The following BCAS3 variants were observed in gnomAD, a reference collection of about 807,000 sequenced individuals.
BCAS3 encodes BCAS3 microtubule associated cell migration factor.
Under a neutral mutation model 116.1 loss-of-function variants are expected in BCAS3, and 53 were observed. That is an observed-to-expected ratio of 0.46 (90% CI 0.37 to 0.57). The LOEUF is 0.57. BCAS3 is among the 20% of genes least tolerant of loss of function. The pLI, the probability that BCAS3 is intolerant of heterozygous loss-of-function variation, is 0.00. For synonymous variants in BCAS3, 391 were observed against 408.2 expected, an observed-to-expected ratio of 0.96 and a Z score of 0.51; for missense variants, 917 against 1,165.4, an observed-to-expected ratio of 0.79 and a Z score of 3.10.
chr17:61,016,128 G>A (rs1036300341), intron 16 of BCAS3, among the ~76,000 whole-genome samples: 1 of 152,154 alleles, frequency 6.6e-6, no homozygotes, highest in Admixed American at 6.5e-5. Flanking sequence ...GTGACAAGCT[G>A]TGAAAACTAG....
intron 4 of BCAS3, among the ~76,000 whole-genome samples, chr17:60,701,805 C>CAAAA (rs71370178): frequency 0.069 from 5,260 of 76,734 alleles, 276 homozygotes; most frequent in African/African-American, 0.23. Context: ...ACTAAAAATA[C>CAAAA]AAAAAAAAAA....
chr17:61,291,419 A>C (rs1436744221), intron 22 of BCAS3, among the ~76,000 whole-genome samples: 1 of 152,168 alleles, frequency 6.6e-6, no homozygotes, highest in Non-Finnish European at 1.5e-5. Flanking sequence ...TTAGAGAAGG[A>C]TTGTGAGATT....
At chr17:60,863,356 A>G (rs2054313507) in intron 7 of BCAS3, among the ~76,000 whole-genome samples, 1 of 152,116 alleles carries the variant, frequency 6.6e-6, no homozygotes, top group South Asian at 2.1e-4. Context: ...TATCTCAGAG[A>G]TATTATATAG....
At chr17:60,996,982 C>A (rs533150630) in intron 15 of BCAS3, among the ~76,000 whole-genome samples, 2 of 151,948 alleles carry the variant, frequency 1.3e-5, no homozygotes, top group African/African-American at 4.8e-5. Context: ...CACCAAGGAC[C>A]GGTTTTGTGG....
rs1294742398 is a variant in BCAS3 at position 60,993,952 on chromosome 17, T to C, written c.1486+3717T>C. On this transcript the variant is annotated intron_variant, in intron 15 of 23. Transcript: ENST00000407086. The surrounding 1 kb of genome is among the most constrained non-coding windows in gnomAD (Gnocchi z 4.2). ...CTTTATAAATATCTCTTCCATTTCC[T>C]ATCTTGTTGCCTGAACATCCACTTA... Among the ~76,000 whole-genome samples the C allele has an allele frequency of 6.6e-6, 1 of 152,188 alleles. No individual in the cohort carries two copies. Among genetic ancestry groups the C allele is most frequent in the African/African-American group, 2.4e-5 (1 of 41,454 alleles).
intron 7 of BCAS3, among the ~76,000 whole-genome samples, chr17:60,862,707 A>G (rs947559246): frequency 2.0e-5 from 3 of 152,134 alleles, no homozygotes; most frequent in Non-Finnish European, 2.9e-5. Context: ...ACTGGAGTGT[A>G]GTGGTATGAT....
At position 61,224,941 on chromosome 17, in the gene BCAS3, G is replaced by C. The variant is rs1490121058; in HGVS notation, c.2425+140377G>C. Among the ~76,000 whole-genome samples, 2 of 152,044 alleles carry C rather than the reference G, an allele frequency of 1.3e-5. No individual in the cohort carries two copies. The highest frequency in any genetic ancestry group is 2.9e-5 in the Non-Finnish European group (2 of 68,008). On this transcript the variant is annotated intron_variant, in intron 22 of 23. Coordinates refer to ENST00000407086, the MANE Select transcript of BCAS3 (RefSeq NM_017679.5). This position sits in a 1 kb window ranked among gnomAD's most constrained non-coding sequence, Gnocchi z 5.7. The stretch of plus-strand genomic sequence containing the variant: ...CCCATTCTTCTGTTCTCCTGTCTTT[G>C]GTTTTATGCACACAAAGAGAGAAAC...
Position 61,337,437 on chromosome 17 carries a change from A to G in BCAS3, c.2426-30890A>G, listed in dbSNP as rs1207706599. ...CCCAAGAGAGGTGGCCAAAGAAGTC[A>G]GCTTGCAGCCTCTAGGAGGAGACGC... is the stretch of plus-strand genomic sequence containing the variant. On this transcript the variant is annotated intron_variant, in intron 22 of 23. Transcript: ENST00000407086. The surrounding 1 kb of genome is among the most constrained non-coding windows in gnomAD (Gnocchi z 4.8). Among the ~76,000 whole-genome samples, 1 of 152,224 alleles carries G rather than the reference A, an allele frequency of 6.6e-6. No individual in the cohort carries two copies. The highest frequency in any genetic ancestry group is 1.5e-5 in the Non-Finnish European group (1 of 68,036).
intron 6 of BCAS3, among the ~76,000 whole-genome samples, chr17:60,752,320 T>C (rs1280254252): frequency 6.6e-6 from 1 of 152,198 alleles, no homozygotes; most frequent in Non-Finnish European, 1.5e-5. Context: ...TCCCAGTTGG[T>C]TATGTTGTTA....
At chr17:60,921,755 T>C (rs1459802961) in intron 12 of BCAS3, among the ~76,000 whole-genome samples, 1 of 151,130 alleles carries the variant, frequency 6.6e-6, no homozygotes, top group African/African-American at 2.4e-5. Flanking sequence ...ACTACCTGGG[T>C]GCAATATATC....
chr17:61,150,898 TA>T (rs1323276812), intron 22 of BCAS3, among the ~76,000 whole-genome samples: 1 of 152,244 alleles, frequency 6.6e-6, no homozygotes, highest in Non-Finnish European at 1.5e-5. Context: ...ATCCTCCTGT[TA>T]CTCAAGATCT....
Position 61,224,566 on chromosome 17 carries a change from C to T in BCAS3, c.2425+140002C>T, listed in dbSNP as rs1263680249. Among the ~76,000 whole-genome samples the T allele has an allele frequency of 1.3e-5, 2 of 152,174 alleles. No individual in the cohort carries two copies. The highest frequency in any genetic ancestry group is 3.9e-4 in the East Asian group (2 of 5,190). On this transcript the variant is annotated intron_variant, in intron 22 of 23. Coordinates refer to ENST00000407086, the MANE Select transcript of BCAS3 (RefSeq NM_017679.5). This position sits in a 1 kb window ranked among gnomAD's most constrained non-coding sequence, Gnocchi z 5.7. ...GAGAAATAAGACTATACAGTGTAGT[C>T]CTTTGAATACTTTGCAGTGTTTCAT...
At chr17:61,236,807 A>T (rs1213630820) in intron 22 of BCAS3, among the ~76,000 whole-genome samples, 1 of 151,964 alleles carries the variant, frequency 6.6e-6, no homozygotes, top group Non-Finnish European at 1.5e-5. Flanking sequence ...ATTTGAGCTG[A>T]CTTTGTGGGA....
At position 61,065,695 on chromosome 17, in the gene BCAS3, G is replaced by A. The variant is rs895839543; in HGVS notation, c.2030-9225G>A. Among the ~76,000 whole-genome samples, 2 of 152,152 alleles carry A rather than the reference G, an allele frequency of 1.3e-5. No homozygotes were observed. Among genetic ancestry groups the A allele is most frequent in the African/African-American group, 4.8e-5 (2 of 41,428 alleles). On this transcript the variant is annotated intron_variant, in intron 19 of 23. Coordinates refer to ENST00000407086, the MANE Select transcript of BCAS3 (RefSeq NM_017679.5). The surrounding 1 kb of genome is among the most constrained non-coding windows in gnomAD (Gnocchi z 4.8). ...GGGTTTTATTGTTTGTGGAGGAAGG[G>A]TGGGGATATGGTAAAGAGTAGGAGA...
rs889347759 is a variant in BCAS3 at position 61,344,078 on chromosome 17, G to A, written c.2426-24249G>A. On this transcript the variant is annotated intron_variant, in intron 22 of 23. Coordinates refer to ENST00000407086, the MANE Select transcript of BCAS3 (RefSeq NM_017679.5). The surrounding 1 kb of genome is among the most constrained non-coding windows in gnomAD (Gnocchi z 4.1). ...ATAAGATCAGAGAGTAGAAGACTAG[G>A]GCCAGGAGCGTGGGACAGGCTAAGG... Among the ~76,000 whole-genome samples the A allele has an allele frequency of 3.3e-5, 5 of 152,056 alleles. No individual in the cohort carries two copies. Among genetic ancestry groups the A allele is most frequent in the African/African-American group, 1.2e-4 (5 of 41,390 alleles).
chr17:60,909,875 A>G (rs1269070818), intron 11 of BCAS3, among the ~76,000 whole-genome samples: 2 of 152,192 alleles, frequency 1.3e-5, no homozygotes, highest in Admixed American at 1.3e-4. Flanking sequence ...ATAATATAGT[A>G]GGAGCACCAC....
chr17:61,278,167 CGAGTAGCTGG>C lies in BCAS3; in HGVS notation c.2426-90157_2426-90148del, dbSNP rs1401544679. On this transcript the variant is annotated intron_variant, in intron 22 of 23. Coordinates refer to ENST00000407086, the MANE Select transcript of BCAS3 (RefSeq NM_017679.5). The surrounding 1 kb of genome is among the most constrained non-coding windows in gnomAD (Gnocchi z 5.8). ...AAGCAATTCTCCTGCCTCAGCCTCC[CGAGTAGCTGG>C]GATTACAGACACATGCCACGATGCC... Among the ~76,000 whole-genome samples, 1 of 152,096 alleles carries C rather than the reference CGAGTAGCTGG, an allele frequency of 6.6e-6. No homozygotes were observed. Among genetic ancestry groups the C allele is most frequent in the East Asian group, 1.9e-4 (1 of 5,190 alleles).
rs1398911202 is a variant in BCAS3, at chr17:61,141,711, G to A, written c.2425+57147G>A. On this transcript the variant is annotated intron_variant, in intron 22 of 23. Coordinates refer to ENST00000407086, the MANE Select transcript of BCAS3 (RefSeq NM_017679.5). This position sits in a 1 kb window ranked among gnomAD's most constrained non-coding sequence, Gnocchi z 4.3. ...AGGTCAAGAGATCAAGACCATCCCG[G>A]CCAACATGATGAAACCCCACCTCTA... 6.6e-6 allele frequency among the ~76,000 whole-genome samples: 1 copy of A among 151,708 alleles called. No homozygotes were observed. The highest frequency in any genetic ancestry group is 2.4e-5 in the African/African-American group (1 of 41,292).
chr17:60,717,949 T>C (rs1160274375), intron 5 of BCAS3, among the ~76,000 whole-genome samples: 1 of 152,168 alleles, frequency 6.6e-6, no homozygotes, highest in African/African-American at 2.4e-5. Flanking sequence ...GTGTGGGTGA[T>C]GGGAAACAGT....
Sources: gnomAD v4.1 joint callset for allele counts (sites outside exome capture counted in the v4.1 genomes callset) on GRCh38, gnomAD v4.1.1 for gene constraint, Gnocchi (gnomAD v3.1) non-coding constraint, MANE v1.5 for transcripts, NCBI Gene and HGNC (gene_info 2026-07-23, HGNC 2026-07-21) for gene names.